ADGRD1: variants seen among roughly 807,000 people sequenced by gnomAD.
The protein encoded by ADGRD1 is adhesion G protein-coupled receptor D1, also known as G-protein coupled receptor 133.
A neutral mutation model predicts 113.4 loss-of-function variants in ADGRD1; 77 were observed. That is an observed-to-expected ratio of 0.68 (90% CI 0.57 to 0.82). ADGRD1 has a LOEUF of 0.82. ADGRD1 is among the 40% of genes least tolerant of loss of function. The pLI is 0.00. For missense variants in ADGRD1, 1,036 were observed against 1,139.1 expected (o/e 0.91, Z 1.30); for synonymous variants, 474 against 475.0 (o/e 1.00, Z 0.03).
Position 131,139,227 on chromosome 12 carries a change from C to T in ADGRD1, c.2589C>T (p.Ser863=). The change falls in exon 25 of 25, where the codon AGC becomes AGT. Residue 863 remains serine, a synonymous_variant. Transcript: ENST00000261654. ...AGCTCAGCCCTTGGGACAAGAGCAG[C>T]CACTCTGCCCACCGCGTCGACCTGT... The part of the protein sequence containing the change: ...STKLSPWDKS[S]HSAHRVDLSA... 6.2e-7 allele frequency: 1 copy of T among 1,613,158 alleles called. No individual in the cohort carries two copies. The highest frequency in any genetic ancestry group is 8.5e-7 in the Non-Finnish European group (1 of 1,179,876).
At chr12:131,025,545 C>A (rs936855019) in intron 13 of ADGRD1, 56 of 141,738 alleles carry the variant, frequency 4.0e-4, no homozygotes, top group African/African-American at 1.3e-3. Context: ...GCCTTCTTTT[C>A]TTTTTTTTTT....
chr12:131,130,856 GC>G (rs1015648841), intron 20 of ADGRD1, among the ~76,000 whole-genome samples: 5 of 152,212 alleles, frequency 3.3e-5, no homozygotes, highest in African/African-American at 1.2e-4. Context: ...GCCCAGGCTG[GC>G]GTGGGGACAG....
rs1158422088 is a variant in ADGRD1 at position 131,139,514 on chromosome 12, G to T, written c.*251G>T. The T allele has an allele frequency of 4.2e-6, 2 of 472,418 alleles. No homozygotes were observed. Among genetic ancestry groups the T allele is most frequent in the Non-Finnish European group, 7.8e-6 (2 of 256,706 alleles). 29.3% of individuals were successfully genotyped at this position (472,418 alleles called of 1,614,324 possible). A position where few individuals can be genotyped will look rare whatever the true frequency, so the allele number is the denominator to read the frequency against. On this transcript the variant is annotated 3_prime_UTR_variant, in exon 25 of 25. Transcript: ENST00000261654. Reference sequence around the variant, plus strand: ...CCGTGGGCTGAGTGACTTCCTCGGGGGATTCCCAGGACACAGTGGCCTGAC... The same window carrying T: ...CCGTGGGCTGAGTGACTTCCTCGGGTGATTCCCAGGACACAGTGGCCTGAC...
chr12:131,141,430 T>C lies in ADGRD1; in HGVS notation c.*2167T>C, dbSNP rs1951242690. The C allele has an allele frequency of 2.0e-5, 3 of 152,356 alleles. No homozygotes were observed. The South Asian group carries it at 6.2e-4, about 32-fold the overall frequency. The allele number at this position is 152,356 out of a possible 1,614,324, so 9.4% of individuals were successfully genotyped here. On this transcript the variant is annotated 3_prime_UTR_variant, in exon 25 of 25. Transcript: ENST00000261654. The stretch of plus-strand genomic sequence containing the variant: ...GATGACACTAAGTTGTGAAAATATG[T>C]TGTGATTTTTATGAAATAAACTCAT...
rs970287904 is a variant in ADGRD1, at chr12:131,002,280, A to G, written c.1027-905A>G. On this transcript the variant is annotated intron_variant, in intron 9 of 24. Transcript: ENST00000261654. Reference sequence around the variant, plus strand: ...ACTCAGGCAGGGTCCAATATGCATTAAAGAGAATGCATGAATCGGTCTCTA... The same window carrying G: ...ACTCAGGCAGGGTCCAATATGCATTGAAGAGAATGCATGAATCGGTCTCTA... Among the ~76,000 whole-genome samples the G allele has an allele frequency of 3.9e-5, 6 of 152,268 alleles. No individual in the cohort carries two copies. In the South Asian group the frequency reaches 6.2e-4, roughly 16 times the overall value.
At chr12:131,004,040 T>TTTTAG in intron 10 of ADGRD1, 146 bp from the exon 11 acceptor site, 1 of 548,588 alleles carries the variant, frequency 1.8e-6, no homozygotes, top group Non-Finnish European at 3.2e-6. Context: ...TTTTTTTTTT[T>TTTTAG]GAGGCCATGC....
intron 15 of ADGRD1, among the ~76,000 whole-genome samples, chr12:131,104,140 C>T (rs564557343): frequency 5.9e-5 from 9 of 152,316 alleles, no homozygotes; most frequent in African/African-American, 2.4e-5. Flanking sequence ...CGGGTGCTGG[C>T]GATCACCACC....
At chr12:131,070,855 C>A (rs777075261) in intron 13 of ADGRD1, 1 of 518,936 alleles carries the variant, frequency 1.9e-6, no homozygotes, top group African/African-American at 1.9e-5. Flanking sequence ...CCCATGTGGT[C>A]ATGGAGTGTC....
intron 9 of ADGRD1, among the ~76,000 whole-genome samples, chr12:131,000,747 C>CAA (rs371823726): frequency 0.025 from 2,818 of 112,516 alleles, 78 homozygotes; most frequent in African/African-American, 0.063. Flanking sequence ...TCTCAAAAAA[C>CAA]AAAAAAAAAA....
chr12:131,104,813 C>G lies in ADGRD1; in HGVS notation c.1672-18C>G. 6.5e-7 allele frequency: 1 copy of G among 1,536,574 alleles called. No homozygotes were observed. The highest frequency in any genetic ancestry group is 8.8e-7 in the Non-Finnish European group (1 of 1,140,508). On this transcript the variant is annotated intron_variant, in intron 15 of 24. Transcript: ENST00000261654. Reference sequence around the variant, plus strand: ...GTGCCTGGGCCTGCTGCTGACGCCTCTGCTCTGCTCCCCGCAGCTTGCACG... The same window carrying G: ...GTGCCTGGGCCTGCTGCTGACGCCTGTGCTCTGCTCCCCGCAGCTTGCACG...
chr12:131,075,991 T>G lies in ADGRD1; in HGVS notation c.1474-810T>G, dbSNP rs1885573188. 6.6e-6 allele frequency among the ~76,000 whole-genome samples: 1 copy of G among 152,188 alleles called. No individual in the cohort carries two copies. Among genetic ancestry groups the G allele is most frequent in the Non-Finnish European group, 1.5e-5 (1 of 68,034 alleles). On this transcript the variant is annotated intron_variant, in intron 13 of 24. Coordinates refer to ENST00000261654, the MANE Select transcript of ADGRD1 (RefSeq NM_198827.5). The surrounding 1 kb of genome is among the most constrained non-coding windows in gnomAD (Gnocchi z 5.3). ...CTGGGTCCTGGTGGAGTCGCTGGCC[T>G]CCTGAGCCTCCAACTATGGCTCCTG...
chr12:130,996,226 C>CT (rs1875310676), intron 8 of ADGRD1, among the ~76,000 whole-genome samples: 1 of 114,136 alleles, frequency 8.8e-6, no homozygotes. Context: ...TTTTCCCCAC[C>CT]TTTCCCCCTT....
At chr12:131,056,387 T>C (rs908367929) in intron 13 of ADGRD1, among the ~76,000 whole-genome samples, 4 of 152,194 alleles carry the variant, frequency 2.6e-5, no homozygotes, top group Non-Finnish European at 5.9e-5. Context: ...ATAAAGAATG[T>C]TCTCCTAAAG....
intron 13 of ADGRD1, among the ~76,000 whole-genome samples, chr12:131,042,656 C>T (rs1435167664): frequency 2.0e-5 from 3 of 152,194 alleles, no homozygotes; most frequent in Admixed American, 6.5e-5. Flanking sequence ...TGTTCGGTCC[C>T]GGTGGGGTCA....
chr12:131,137,961 T>TGCACAG lies in ADGRD1; in HGVS notation c.2437-174_2437-173insACAGGC, dbSNP rs1566146116. ...CCTGGCCTGCGATACAACCTGGCTC[T>TGCACAG]GCCCCACAGAGCAGCGATGCACAGC... On this transcript the variant is annotated intron_variant, in intron 23 of 24. Coordinates refer to ENST00000261654, the MANE Select transcript of ADGRD1 (RefSeq NM_198827.5). 3 of 612,736 alleles carry TGCACAG rather than the reference T, an allele frequency of 4.9e-6. No homozygotes were observed. In the African/African-American group the frequency reaches 5.5e-5, roughly 11 times the overall value. 38.0% of individuals were successfully genotyped at this position (612,736 alleles called of 1,614,324 possible).
chr12:131,008,349 C>T (rs1286171019), intron 12 of ADGRD1, among the ~76,000 whole-genome samples: 1 of 152,208 alleles, frequency 6.6e-6, no homozygotes, highest in Non-Finnish European at 1.5e-5. Flanking sequence ...GACTTCCCTC[C>T]GTCTTTGTCT....
chr12:131,124,776 T>A (rs368228335), intron 20 of ADGRD1, among the ~76,000 whole-genome samples: 7 of 152,282 alleles, frequency 4.6e-5, no homozygotes, highest in South Asian at 2.1e-4. Context: ...CTTCTCGAAT[T>A]GTTCTTGGCT....
chr12:130,954,390 T>C lies in ADGRD1; in HGVS notation c.-76T>C. Reference sequence around the variant, plus strand: ...TGAAAATGTCCCTTTTCCAAGGAAGTGAAGGTTAAGAGGTCCCGTTCTCAC... The same window carrying C: ...TGAAAATGTCCCTTTTCCAAGGAAGCGAAGGTTAAGAGGTCCCGTTCTCAC... On this transcript the variant is annotated 5_prime_UTR_variant, in exon 1 of 25. Transcript: ENST00000261654. This position sits in a 1 kb window ranked among gnomAD's most constrained non-coding sequence, Gnocchi z 4.7. 2 of 1,269,400 alleles carry C rather than the reference T, an allele frequency of 1.6e-6. No homozygotes were observed. The highest frequency in any genetic ancestry group is 2.4e-5 in the East Asian group (1 of 41,314). 78.6% of individuals were successfully genotyped at this position (1,269,400 alleles called of 1,614,324 possible).
intron 20 of ADGRD1, among the ~76,000 whole-genome samples, chr12:131,125,722 C>A (rs745482119): frequency 6.6e-6 from 1 of 152,202 alleles, no homozygotes; most frequent in Non-Finnish European, 1.5e-5. Context: ...CTGATAAACT[C>A]ATCATAAGCA....
Sources: allele counts gnomAD v4.1 joint callset (sites outside exome capture counted in the v4.1 genomes callset), GRCh38; gene constraint gnomAD v4.1.1; non-coding constraint Gnocchi (gnomAD v3.1); transcripts MANE v1.5; gene names NCBI Gene and HGNC (gene_info 2026-07-23, HGNC 2026-07-21).